ULK4: variants seen among roughly 807,000 people sequenced by gnomAD.
ULK4 encodes inactive serine/threonine-protein kinase ULK4.
ULK4 carries 133 observed loss-of-function variants against 160.6 expected under a neutral mutation model. That is an observed-to-expected ratio of 0.83 (90% CI 0.72 to 0.96). The LOEUF is 0.96. Ranked by LOEUF, ULK4 falls within the 40% of genes least tolerant of loss-of-function variation. The probability of loss-of-function intolerance (pLI) is 0.00; values close to 1 mark genes in which losing one functional copy is unlikely to be tolerated. For synonymous variants in ULK4, 534 were observed against 539.8 expected, an observed-to-expected ratio of 0.99 and a Z score of 0.15; for missense variants, 1,580 against 1,499.5, an observed-to-expected ratio of 1.05 and a Z score of -0.89.
At chr3:41,403,686 G>T (rs1265280920) in intron 34 of ULK4, among the ~76,000 whole-genome samples, 1 of 151,986 alleles carries the variant, frequency 6.6e-6, no homozygotes, top group Non-Finnish European at 1.5e-5. Context: ...TTAGATTATT[G>T]ATTTAAAATC....
intron 36 of ULK4, among the ~76,000 whole-genome samples, chr3:41,249,274 G>C (rs140795434): frequency 1.2e-3 from 188 of 152,272 alleles, no homozygotes; most frequent in African/African-American, 4.3e-3. Context: ...GTTGATTCCT[G>C]TCCCCTCACT....
intron 34 of ULK4, among the ~76,000 whole-genome samples, chr3:41,411,719 C>T (rs905522582): frequency 6.6e-6 from 1 of 152,164 alleles, no homozygotes; most frequent in Non-Finnish European, 1.5e-5. Flanking sequence ...CGGCATGAGC[C>T]ACCGTGCCCA....
intron 35 of ULK4, chr3:41,278,020 G>C (rs2079261299): frequency 6.6e-6 from 1 of 152,302 alleles, no homozygotes; most frequent in South Asian, 2.1e-4. Context: ...AAGGGGTCGG[G>C]GGATTTCCCT....
Position 41,338,756 on chromosome 3 carries a change from CATATATATATGACATAT to C in ULK4, c.3678+59306_3678+59322del, listed in dbSNP as rs199538920. ...GTGTGTGTATAATACATCTATATCA[CATATATATATGACATAT>C]ATATATATATGATATACATATCAGA... On this transcript the variant is annotated intron_variant, in intron 35 of 36. Coordinates refer to ENST00000301831, the MANE Select transcript of ULK4 (RefSeq NM_017886.4). Among the ~76,000 whole-genome samples, 979 of 151,576 alleles carry C rather than the reference CATATATATATGACATAT, an allele frequency of 6.5e-3. 6 individuals are homozygous for C. Among genetic ancestry groups the C allele is most frequent in the African/African-American group, 0.023 (938 of 41,244 alleles).
intron 17 of ULK4, among the ~76,000 whole-genome samples, chr3:41,866,602 C>T (rs1478401576): frequency 6.6e-6 from 1 of 152,210 alleles, no homozygotes; most frequent in East Asian, 1.9e-4. Context: ...TCACCTCCTG[C>T]TGTGCAGCCC....
chr3:41,522,950 C>T (rs2085984189), intron 32 of ULK4, among the ~76,000 whole-genome samples: 1 of 152,078 alleles, frequency 6.6e-6, no homozygotes, highest in Non-Finnish European at 1.5e-5. Context: ...CTTGCTCTAT[C>T]GCCCAGGCTG....
intron 19 of ULK4, among the ~76,000 whole-genome samples, chr3:41,802,624 G>T (rs982364510): frequency 6.6e-6 from 1 of 152,042 alleles, no homozygotes; most frequent in African/African-American, 2.4e-5. Context: ...AACCAGAAAT[G>T]ACAAAAATGT....
intron 32 of ULK4, among the ~76,000 whole-genome samples, chr3:41,562,967 G>A (rs2087650071): frequency 6.6e-6 from 1 of 152,144 alleles, no homozygotes; most frequent in Non-Finnish European, 1.5e-5. Flanking sequence ...GATGGTGTTT[G>A]CAATTTGGCA....
chr3:41,316,120 A>G (rs2080138251), intron 35 of ULK4, among the ~76,000 whole-genome samples: 1 of 152,278 alleles, frequency 6.6e-6, no homozygotes, highest in African/African-American at 2.4e-5. Flanking sequence ...AATAATAGCA[A>G]AAGGGGGAAA....
At chr3:41,281,450 C>T (rs954366431) in intron 35 of ULK4, among the ~76,000 whole-genome samples, 4 of 152,162 alleles carry the variant, frequency 2.6e-5, no homozygotes, top group African/African-American at 9.7e-5. Context: ...AAGCTTTCCA[C>T]CACAATCAGT....
chr3:41,497,432 T>A (rs1434932541), intron 32 of ULK4, among the ~76,000 whole-genome samples: 1 of 152,032 alleles, frequency 6.6e-6, no homozygotes, highest in African/African-American at 2.4e-5. Flanking sequence ...TACATAATAA[T>A]TGGGGTTCAA....
intron 34 of ULK4, among the ~76,000 whole-genome samples, chr3:41,451,164 G>A (rs1049702318): frequency 6.6e-6 from 1 of 152,068 alleles, no homozygotes; most frequent in East Asian, 1.9e-4. Flanking sequence ...AGTATTCAAG[G>A]AAACTGGACC....
chr3:41,484,621 T>G (rs1356775472), intron 32 of ULK4, among the ~76,000 whole-genome samples: 1 of 151,816 alleles, frequency 6.6e-6, no homozygotes, highest in African/African-American at 2.4e-5. Flanking sequence ...CCCGGCTAAT[T>G]TTTTGTATTT....
intron 32 of ULK4, among the ~76,000 whole-genome samples, chr3:41,477,723 A>C (rs1439009397): frequency 6.6e-6 from 1 of 152,198 alleles, no homozygotes; most frequent in Non-Finnish European, 1.5e-5. Flanking sequence ...GACAGGTTAT[A>C]AATGTAAGTA....
intron 32 of ULK4, among the ~76,000 whole-genome samples, chr3:41,472,626 G>A (rs2084023127): frequency 6.7e-6 from 1 of 149,982 alleles, no homozygotes; most frequent in Non-Finnish European, 1.5e-5. Flanking sequence ...TGAATAAATA[G>A]TAAAAAGTCT....
chr3:41,486,254 C>G (rs1046055655), intron 32 of ULK4, among the ~76,000 whole-genome samples: 1 of 152,160 alleles, frequency 6.6e-6, no homozygotes, highest in Non-Finnish European at 1.5e-5. Flanking sequence ...CAGCCCCTGG[C>G]TCATAGTAGG....
intron 32 of ULK4, among the ~76,000 whole-genome samples, chr3:41,507,451 G>T (rs146492773): frequency 0.021 from 3,244 of 151,586 alleles, 113 homozygotes; most frequent in African/African-American, 0.073. Context: ...GTGACTCTCA[G>T]TCCAGTACTT....
At chr3:41,867,124 G>C (rs571315758) in intron 17 of ULK4, among the ~76,000 whole-genome samples, 4 of 151,900 alleles carry the variant, frequency 2.6e-5, no homozygotes, top group African/African-American at 9.7e-5. Context: ...GTTACTTATC[G>C]AGTTCATTGA....
chr3:41,456,012 C>T (rs1206889291), intron 33 of ULK4, among the ~76,000 whole-genome samples: 1 of 152,118 alleles, frequency 6.6e-6, no homozygotes, highest in East Asian at 1.9e-4. Flanking sequence ...TGGGTTCAAG[C>T]GATTCTCCTG....
Sources: allele counts gnomAD v4.1 joint callset (sites outside exome capture counted in the v4.1 genomes callset), GRCh38; gene constraint gnomAD v4.1.1; transcripts MANE v1.5; gene names NCBI Gene and HGNC (gene_info 2026-07-23, HGNC 2026-07-21).